The following EEFSEC variants were observed in gnomAD, a reference collection of about 807,000 sequenced individuals.
EEFSEC encodes selenocysteine-specific elongation factor.
A neutral mutation model predicts 42.1 loss-of-function variants in EEFSEC; 43 were observed. That is an observed-to-expected ratio of 1.02 (90% CI 0.80 to 1.32). The LOEUF is 1.32. Among genes scored for constraint, EEFSEC ranks in the 40% most tolerant of loss-of-function variants. The probability of loss-of-function intolerance (pLI) is 0.00; values close to 1 mark genes in which losing one functional copy is unlikely to be tolerated. For missense variants in EEFSEC, 745 were observed against 803.6 expected, an observed-to-expected ratio of 0.93 and a Z score of 0.88; for synonymous variants, 354 against 339.1, an observed-to-expected ratio of 1.04 and a Z score of -0.48.
chr3:128,424,733 G>A, the EEFSEC span, among the ~76,000 whole-genome samples: 2 of 152,128 alleles, frequency 1.3e-5, no homozygotes, highest in East Asian at 1.9e-4. Context: ...AAAAGTGCGC[G>A]GAGTATAATA....
intron 1 of EEFSEC, among the ~76,000 whole-genome samples, chr3:128,215,170 C>T (rs138777662): frequency 6.6e-6 from 1 of 152,206 alleles, no homozygotes; most frequent in East Asian, 1.9e-4. Context: ...TCTCAGCAAC[C>T]CTAATTGGTT....
downstream of EEFSEC, among the ~76,000 whole-genome samples, chr3:128,411,433 G>A (rs896346330): frequency 4.6e-5 from 7 of 152,236 alleles, no homozygotes; most frequent in Non-Finnish European, 7.3e-5. Context: ...GCCCCAGATA[G>A]AGCTGGAGTT....
At chr3:128,388,178 G>A (rs533733408) in intron 6 of EEFSEC, among the ~76,000 whole-genome samples, 115 of 152,316 alleles carry the variant, frequency 7.6e-4, no homozygotes, top group African/African-American at 2.6e-3. Context: ...CGCTCTTAGA[G>A]TCTTCCTTTT....
chr3:128,160,330 G>T (rs2065169737), intron 1 of EEFSEC, among the ~76,000 whole-genome samples: 2 of 152,240 alleles, frequency 1.3e-5, no homozygotes, highest in Admixed American at 1.3e-4. Flanking sequence ...ACATGCCATT[G>T]TGTCTCAACA....
chr3:128,401,318 G>C (rs1232386301), intron 6 of EEFSEC, among the ~76,000 whole-genome samples: 1 of 152,230 alleles, frequency 6.6e-6, no homozygotes, highest in African/African-American at 2.4e-5. Context: ...GAGTGCTTGT[G>C]AGGATGAATC....
intron 4 of EEFSEC, chr3:128,336,831 C>G (rs1176779843): frequency 6.6e-6 from 1 of 152,192 alleles, no homozygotes; most frequent in Non-Finnish European, 1.5e-5. Flanking sequence ...TCTTTCTTCT[C>G]TAGAAGACAG....
At chr3:128,407,683 A>G (rs148730706) in intron 6 of EEFSEC, among the ~76,000 whole-genome samples, 47 of 152,316 alleles carry the variant, frequency 3.1e-4, no homozygotes, top group African/African-American at 1.0e-3. Context: ...TCCCAGGCAC[A>G]CAAGAGGGTG....
intron 1 of EEFSEC, among the ~76,000 whole-genome samples, chr3:128,193,068 C>T (rs200465705): frequency 1.3e-5 from 2 of 152,160 alleles, no homozygotes; most frequent in Non-Finnish European, 2.9e-5. Flanking sequence ...TTAAATGGGA[C>T]GGCTTGCATG....
chr3:128,300,321 G>A (rs1049947613), intron 4 of EEFSEC, among the ~76,000 whole-genome samples: 26 of 152,138 alleles, frequency 1.7e-4, no homozygotes, highest in African/African-American at 6.3e-4. Context: ...AAGCCAATGC[G>A]GGCCAGGCGA....
At chr3:128,369,959 A>G (rs2067634357) in intron 6 of EEFSEC, among the ~76,000 whole-genome samples, 1 of 152,206 alleles carries the variant, frequency 6.6e-6, no homozygotes, top group Admixed American at 6.5e-5. Flanking sequence ...GAAATGTGAC[A>G]TTGATGCCAC....
At chr3:128,197,215 T>G (rs1393080956) in intron 1 of EEFSEC, among the ~76,000 whole-genome samples, 1 of 152,252 alleles carries the variant, frequency 6.6e-6, no homozygotes, top group African/African-American at 2.4e-5. Flanking sequence ...TGCATCAGGG[T>G]CTGTCCTAGG....
At chr3:128,214,923 G>A (rs1339440374) in intron 1 of EEFSEC, among the ~76,000 whole-genome samples, 2 of 152,216 alleles carry the variant, frequency 1.3e-5, no homozygotes, top group Non-Finnish European at 2.9e-5. Context: ...GGAGGAGGAG[G>A]TAACAGCAAA....
chr3:128,307,741 G>T (rs2066846754), intron 4 of EEFSEC, among the ~76,000 whole-genome samples: 1 of 152,214 alleles, frequency 6.6e-6, no homozygotes, highest in Non-Finnish European at 1.5e-5. Context: ...CATTGGGCAG[G>T]GTATCAGTCC....
At position 128,207,175 on chromosome 3, in the gene EEFSEC, TC is replaced by T. The variant is rs557039555; in HGVS notation, c.317-39659del. On this transcript the variant is annotated intron_variant, in intron 1 of 6. Transcript: ENST00000254730. ...TATTTAAAGATGGCCAGCCCTCCCT[TC>T]CTGCTCCCCTCTCTCCCTCTATTTC... Among the ~76,000 whole-genome samples the T allele has an allele frequency of 2.2e-3, 339 of 152,072 alleles. 4 individuals carry two copies. Among genetic ancestry groups the T allele is most frequent in the African/African-American group, 7.6e-3 (317 of 41,474 alleles).
rs193090722 is a variant in EEFSEC at position 128,244,414 on chromosome 3, G to A, written c.317-2422G>A. Among the ~76,000 whole-genome samples the A allele has an allele frequency of 6.2e-4, 94 of 152,180 alleles. 1 individual carries two copies. Among genetic ancestry groups the A allele is most frequent in the Non-Finnish European group, 1.9e-4 (13 of 68,016 alleles). On this transcript the variant is annotated intron_variant, in intron 1 of 6. Transcript: ENST00000254730. ...CAGCATGGTGCTTGGCACAAGGTGA[G>A]TGGGAAGCAACTGGTAGTTAAAAAA...
chr3:128,370,462 G>A lies in EEFSEC; in HGVS notation c.1600+12089G>A, dbSNP rs549643817. ...GGAGGGGCACCAGCAGGTCCCTTGGGAAGTTACAGTAAAGGCCCCGGTCTG... is the reference window on the plus strand; with the variant it reads ...GGAGGGGCACCAGCAGGTCCCTTGGAAAGTTACAGTAAAGGCCCCGGTCTG... On this transcript the variant is annotated intron_variant, in intron 6 of 6. Transcript: ENST00000254730. Among the ~76,000 whole-genome samples, 14 of 152,256 alleles carry A rather than the reference G, an allele frequency of 9.2e-5. No individual in the cohort carries two copies. In the South Asian group the frequency reaches 2.7e-3, roughly 29 times the overall value.
intron 4 of EEFSEC, among the ~76,000 whole-genome samples, chr3:128,321,816 A>C (rs2067011061): frequency 6.6e-6 from 1 of 152,150 alleles, no homozygotes; most frequent in African/African-American, 2.4e-5. Flanking sequence ...GACTTTAAAC[A>C]ACAGTGGGCC....
intron 6 of EEFSEC, among the ~76,000 whole-genome samples, chr3:128,375,414 C>CGCCATGCCACAAA (rs1212506770): frequency 3.6e-4 from 55 of 152,328 alleles, no homozygotes; most frequent in South Asian, 2.1e-3. Context: ...CACAAATCCA[C>CGCCATGCCACAAA]ACCAGGCACT....
the EEFSEC span, among the ~76,000 whole-genome samples, chr3:128,416,097 TAAGGA>T: frequency 6.6e-6 from 1 of 152,068 alleles, no homozygotes; most frequent in Non-Finnish European, 1.5e-5. Context: ...GGGCTGCCGA[TAAGGA>T]GAGACGGTTG....
Sources: gnomAD v4.1 joint callset for allele counts (sites outside exome capture counted in the v4.1 genomes callset) on GRCh38, gnomAD v4.1.1 for gene constraint, MANE v1.5 for transcripts, NCBI Gene and HGNC (gene_info 2026-07-23, HGNC 2026-07-21) for gene names.